Variants in SUN1 observed in about 807,000 individuals in gnomAD.
SUN1 encodes Sad1 and UNC84 domain containing 1.
A neutral mutation model predicts 103.2 loss-of-function variants in SUN1; 61 were observed. That is an observed-to-expected ratio of 0.59 (90% CI 0.48 to 0.73). The LOEUF is 0.73. Among genes scored for constraint, SUN1 ranks in the 30% least tolerant of loss-of-function variants. The pLI is 0.00. For synonymous variants in SUN1, 490 were observed against 425.7 expected, an observed-to-expected ratio of 1.15 and a Z score of -1.86; for missense variants, 1,052 against 1,034.6, an observed-to-expected ratio of 1.02 and a Z score of -0.23.
At position 817,295 on chromosome 7, in the gene SUN1, A is replaced by T. The variant is rs182971446; in HGVS notation, c.-74+622A>T. 654 of 857,322 alleles carry T rather than the reference A, an allele frequency of 7.6e-4. 8 individuals carry two copies. In the African/African-American group the frequency reaches 9.3e-3, roughly 12 times the overall value. 53.1% of individuals were successfully genotyped at this position (857,322 alleles called of 1,614,324 possible). On this transcript the variant is annotated intron_variant, in intron 1 of 17. Transcript: ENST00000389574. ...TTTTTTGTAGGGTTGTGGTCTCTCC[A>T]TGCTGCCCAGGTCGGACTCCTAGGC...
chr7:816,883 C>T (rs1346460734), intron 1 of SUN1: 3 of 151,374 alleles, frequency 2.0e-5, no homozygotes, highest in Non-Finnish European at 3.0e-5. Flanking sequence ...TGAAGACGCC[C>T]GGAGACCCTG....
At chr7:855,066 T>C (rs773897740) in intron 11 of SUN1, 60 bp downstream of exon 11, 72 of 1,296,640 alleles carry the variant, frequency 5.6e-5, no homozygotes, top group Non-Finnish European at 5.8e-5. Context: ...ATGGCTAATA[T>C]TTTAAAGCCC....
At chr7:868,442 A>C in intron 16 of SUN1, 1 of 301,076 alleles carries the variant, frequency 3.3e-6, no homozygotes, top group Non-Finnish European at 6.5e-6. Context: ...GTTAGGTTAG[A>C]ACGTGCATTT....
chr7:873,279 C>G lies in SUN1; in HGVS notation c.2306C>G (p.Pro769Arg). 1 of 1,614,238 alleles carries G rather than the reference C, an allele frequency of 6.2e-7. No homozygotes were observed. The highest frequency in any genetic ancestry group is 8.5e-7 in the Non-Finnish European group (1 of 1,180,050). ...ELRIFSNWGH[P>R]EYTCLYRFRV... The stretch of plus-strand genomic sequence containing the variant: ...CGGATTTTTTCTAACTGGGGCCATC[C>G]TGAGTATACCTGTCTGTATCGGTTC... Residue 769 changes from proline (P) to arginine (R), a missense_variant, in exon 19 of 19, where the codon CCT becomes CGT. Coordinates refer to ENST00000401592, the MANE Select transcript of SUN1 (RefSeq NM_001130965.3).
intron 15 of SUN1, among the ~76,000 whole-genome samples, chr7:863,427 C>G: frequency 6.6e-6 from 1 of 152,188 alleles, no homozygotes; most frequent in East Asian, 1.9e-4. Flanking sequence ...GTTTTTTGTC[C>G]TGCTTTGACA....
chr7:822,491 G>A (rs57870991), intron 1 of SUN1, among the ~76,000 whole-genome samples: 5,962 of 152,248 alleles, frequency 0.039, 125 homozygotes, highest in Non-Finnish European at 0.048. Context: ...GACACCCCTC[G>A]GGCATGTGTA....
chr7:858,086 T>C, intron 13 of SUN1, 129 bp downstream of exon 13: 1 of 1,185,618 alleles, frequency 8.4e-7, no homozygotes, highest in Non-Finnish European at 1.1e-6. Flanking sequence ...AGTCTTGCTG[T>C]GGCACGCAGG....
intron 3 of SUN1, chr7:842,336 G>C (rs1235240855): frequency 8.5e-6 from 5 of 585,396 alleles, no homozygotes; most frequent in African/African-American, 7.5e-5. Flanking sequence ...GACTTGATCA[G>C]GACGCTCCTT....
intron 6 of SUN1, 128 bp from the exon 7 acceptor site, chr7:851,822 C>T: frequency 1.1e-6 from 1 of 933,600 alleles, no homozygotes; most frequent in Non-Finnish European, 1.7e-6. Flanking sequence ...CGACTAGCAT[C>T]ACCGAACTTC....
At chr7:832,120 G>T (rs1478387985), upstream of SUN1, 7 of 1,012,494 alleles carry the variant, frequency 6.9e-6, no homozygotes, top group Non-Finnish European at 8.3e-6. Flanking sequence ...ATTTTAGTTA[G>T]TAAAATAAAA....
Position 873,602 on chromosome 7 carries a change from T to G in SUN1, c.*271T>G, listed in dbSNP as rs971202095. ...ACACTCCTTGTTTTTAACGGGAAGC[T>G]CTTTGCATTTGCATTTCCTCAACAA... is the stretch of plus-strand genomic sequence containing the variant. On this transcript the variant is annotated 3_prime_UTR_variant, in exon 19 of 19. Coordinates refer to ENST00000401592, the MANE Select transcript of SUN1 (RefSeq NM_001130965.3). 18 of 374,842 alleles carry G rather than the reference T, an allele frequency of 4.8e-5. No individual in the cohort carries two copies. The highest frequency in any genetic ancestry group is 3.5e-4 in the African/African-American group (17 of 48,300). 23.2% of individuals were successfully genotyped at this position (374,842 alleles called of 1,614,324 possible).
chr7:824,727 G>A (rs1789753639), intron 1 of SUN1, among the ~76,000 whole-genome samples: 1 of 152,202 alleles, frequency 6.6e-6, no homozygotes, highest in Admixed American at 6.5e-5. Flanking sequence ...AGATGGGCTT[G>A]CTTACCTTTT....
chr7:858,242 G>A (rs1334099547), intron 13 of SUN1, among the ~76,000 whole-genome samples: 4 of 152,040 alleles, frequency 2.6e-5, no homozygotes, highest in African/African-American at 7.2e-5. Context: ...TTTAGTAGAG[G>A]TGGGGTTTCA....
intron 13 of SUN1, among the ~76,000 whole-genome samples, chr7:859,646 C>G (rs768997494): frequency 6.6e-6 from 1 of 152,136 alleles, no homozygotes; most frequent in South Asian, 2.1e-4. Flanking sequence ...TCTGTTGTTA[C>G]GAAGCAAGAA....
intron 12 of SUN1, among the ~76,000 whole-genome samples, 153 bp from the exon 13 acceptor site, chr7:857,675 G>C (rs972719332): frequency 2.0e-5 from 3 of 152,200 alleles, no homozygotes; most frequent in Non-Finnish European, 4.4e-5. Context: ...TTTGAAACTG[G>C]CATCCAGTTT....
At chr7:820,292 C>A (rs1784775886) in intron 1 of SUN1, among the ~76,000 whole-genome samples, 2 of 152,188 alleles carry the variant, frequency 1.3e-5, no homozygotes, top group Non-Finnish European at 2.9e-5. Flanking sequence ...TGGTGCACTT[C>A]CTTGGTTAAA....
intron 5 of SUN1, among the ~76,000 whole-genome samples, chr7:847,888 C>T (rs1185565237): frequency 4.4e-5 from 6 of 137,188 alleles, no homozygotes; most frequent in Admixed American, 1.4e-4. Flanking sequence ...TACCCCGCAG[C>T]GCCGTCTCCG....
chr7:817,312 C>G (rs1411566501), intron 1 of SUN1: 2 of 1,023,648 alleles, frequency 2.0e-6, no homozygotes, highest in African/African-American at 1.6e-5. Context: ...CCAGGTCGGA[C>G]TCCTAGGCTC....
upstream of SUN1, chr7:816,327 C>G: frequency 4.6e-6 from 1 of 216,010 alleles, no homozygotes; most frequent in South Asian, 4.0e-5. Flanking sequence ...GGAGCCCTCC[C>G]TCAGATGCAG....
Sources: gnomAD v4.1 joint callset for allele counts (sites outside exome capture counted in the v4.1 genomes callset) on GRCh38, gnomAD v4.1.1 for gene constraint, MANE v1.5 for transcripts, NCBI Gene and HGNC (gene_info 2026-07-23, HGNC 2026-07-21) for gene names.